Variants in SKAP1 observed in about 807,000 individuals in gnomAD.
SKAP1 encodes src kinase associated phosphoprotein 1.
A neutral mutation model predicts 58.5 loss-of-function variants in SKAP1; 44 were observed. The ratio of observed to expected loss-of-function variants is 0.75; its 90% CI spans 0.59 to 0.97. The LOEUF is 0.97. Ranked by LOEUF, SKAP1 falls within the 50% of genes least tolerant of loss-of-function variation. SKAP1 has a pLI of 0.00. For missense variants in SKAP1, 390 were observed against 435.2 expected, an observed-to-expected ratio of 0.90 and a Z score of 0.92; for synonymous variants, 127 against 149.7, an observed-to-expected ratio of 0.85 and a Z score of 1.11.
At chr17:48,226,942 T>C (rs557696361) in intron 4 of SKAP1, among the ~76,000 whole-genome samples, 1 of 152,306 alleles carries the variant, frequency 6.6e-6, no homozygotes, top group African/African-American at 2.4e-5. Context: ...CCTAACTCCA[T>C]ACCTTCCAGT....
At chr17:48,353,300 G>C (rs1402615807) in intron 3 of SKAP1, among the ~76,000 whole-genome samples, 3 of 152,048 alleles carry the variant, frequency 2.0e-5, no homozygotes, top group African/African-American at 4.8e-5. Flanking sequence ...CATTGACCTG[G>C]CTTGGTTAAA....
At chr17:48,388,738 T>C (rs2067309264) in intron 2 of SKAP1, among the ~76,000 whole-genome samples, 1 of 152,238 alleles carries the variant, frequency 6.6e-6, no homozygotes, top group South Asian at 2.1e-4. Context: ...GCCACTTCAT[T>C]TTTTTGATGG....
intron 4 of SKAP1, among the ~76,000 whole-genome samples, chr17:48,286,880 G>A (rs938387320): frequency 9.9e-5 from 15 of 152,074 alleles, no homozygotes; most frequent in Admixed American, 2.0e-4. Flanking sequence ...GGTGGATCAC[G>A]AGGTCAGGAG....
intron 4 of SKAP1, among the ~76,000 whole-genome samples, chr17:48,230,080 C>T (rs1395416081): frequency 2.2e-5 from 1 of 45,876 alleles, no homozygotes; most frequent in Non-Finnish European, 4.5e-5. Flanking sequence ...CAACAATGCC[C>T]CTTTGGTTAG....
intron 2 of SKAP1, among the ~76,000 whole-genome samples, chr17:48,376,754 T>A (rs1286042963): frequency 6.6e-6 from 1 of 152,172 alleles, no homozygotes; most frequent in Non-Finnish European, 1.5e-5. Context: ...AAAACCCAAC[T>A]GTGGACCAGT....
rs2063968969 is a variant in SKAP1, at chr17:48,155,806, G to A, written c.978+6663C>T. Among the ~76,000 whole-genome samples the A allele has an allele frequency of 2.6e-5, 4 of 152,296 alleles. No homozygotes were observed. The South Asian group carries it at 6.2e-4, about 24-fold the overall frequency. ...CGGGAGGCAGAGGTTGCAGTGAGCC[G>A]AGACCGCGCCGCTGCATTCCAGGGC... On this transcript the variant is annotated intron_variant, in intron 11 of 12. Coordinates refer to ENST00000336915, the MANE Select transcript of SKAP1 (RefSeq NM_003726.4).
intron 4 of SKAP1, among the ~76,000 whole-genome samples, chr17:48,294,119 T>C (rs1211157116): frequency 2.0e-5 from 3 of 152,230 alleles, no homozygotes; most frequent in Non-Finnish European, 4.4e-5. Context: ...CCATTTGTTT[T>C]CTTAACAAAG....
chr17:48,362,871 A>T (rs1346855350), intron 3 of SKAP1, among the ~76,000 whole-genome samples: 3 of 152,358 alleles, frequency 2.0e-5, no homozygotes, highest in South Asian at 4.1e-4. Flanking sequence ...AAAAGTACTT[A>T]AAAAGTTTAC....
intron 4 of SKAP1, among the ~76,000 whole-genome samples, chr17:48,283,993 G>C (rs542278463): frequency 9.3e-4 from 141 of 152,266 alleles, no homozygotes; most frequent in African/African-American, 3.2e-3. Flanking sequence ...ATGTAACTTT[G>C]AAATTGTTTG....
chr17:48,263,478 T>C lies in SKAP1; in HGVS notation c.281-73978A>G, dbSNP rs745736394. Among the ~76,000 whole-genome samples the C allele has an allele frequency of 3.3e-5, 5 of 152,210 alleles. No individual in the cohort carries two copies. The East Asian group carries it at 7.7e-4, about 23-fold the overall frequency. On this transcript the variant is annotated intron_variant, in intron 4 of 12. Coordinates refer to ENST00000336915, the MANE Select transcript of SKAP1 (RefSeq NM_003726.4). Reference sequence around the variant, plus strand: ...AATATTTAAATTTTCTGTATAACAATGAGCTTCAAACATGCACAAGTATCC... The same window carrying C: ...AATATTTAAATTTTCTGTATAACAACGAGCTTCAAACATGCACAAGTATCC...
chr17:48,272,196 C>A (rs912909538), intron 4 of SKAP1, among the ~76,000 whole-genome samples: 6 of 150,282 alleles, frequency 4.0e-5, no homozygotes, highest in African/African-American at 1.5e-4. Context: ...TGCAGTGGTG[C>A]GATCTCAGCT....
At chr17:48,299,127 G>A (rs2144118704) in intron 4 of SKAP1, among the ~76,000 whole-genome samples, 1 of 152,246 alleles carries the variant, frequency 6.6e-6, no homozygotes, top group South Asian at 2.1e-4. Flanking sequence ...ACAGAATGTT[G>A]GCATTTCAGC....
chr17:48,149,844 A>G (rs1484448223), intron 11 of SKAP1, among the ~76,000 whole-genome samples: 3 of 152,228 alleles, frequency 2.0e-5, no homozygotes, highest in Non-Finnish European at 4.4e-5. Context: ...CAGAGAAACA[A>G]AATGACCATT....
intron 2 of SKAP1, among the ~76,000 whole-genome samples, chr17:48,370,910 A>T (rs1042102181): frequency 7.9e-5 from 12 of 152,252 alleles, no homozygotes; most frequent in Non-Finnish European, 1.6e-4. Flanking sequence ...AGATTTTTTT[A>T]AATATGGCAT....
At chr17:48,168,152 CT>C (rs1475337772) in intron 10 of SKAP1, among the ~76,000 whole-genome samples, 2 of 152,090 alleles carry the variant, frequency 1.3e-5, no homozygotes, top group Non-Finnish European at 2.9e-5. Flanking sequence ...CCCTTCCCCC[CT>C]ATTCTGATAA....
At chr17:48,186,026 T>C (rs1203810252) in intron 6 of SKAP1, 3 of 152,104 alleles carry the variant, frequency 2.0e-5, no homozygotes, top group South Asian at 4.1e-4. Flanking sequence ...ACCGTGAGTA[T>C]GGAAGATTCT....
At chr17:48,145,220 C>T (rs892047169) in intron 11 of SKAP1, among the ~76,000 whole-genome samples, 1 of 152,138 alleles carries the variant, frequency 6.6e-6, no homozygotes, top group East Asian at 1.9e-4. Context: ...CCTCCTTGAA[C>T]AACCCACATG....
At chr17:48,229,345 G>C (rs1335789470) in intron 4 of SKAP1, among the ~76,000 whole-genome samples, 1 of 152,118 alleles carries the variant, frequency 6.6e-6, no homozygotes, top group Non-Finnish European at 1.5e-5. Context: ...TGCGGGCCTG[G>C]CGTGGTGGCT....
At chr17:48,427,537 A>G (rs1278456114) in intron 1 of SKAP1, among the ~76,000 whole-genome samples, 2 of 151,812 alleles carry the variant, frequency 1.3e-5, no homozygotes, top group African/African-American at 4.8e-5. Flanking sequence ...TATTTAAACA[A>G]AATTAATTTT....
Sources: gnomAD v4.1 joint callset for allele counts (sites outside exome capture counted in the v4.1 genomes callset) on GRCh38, gnomAD v4.1.1 for gene constraint, MANE v1.5 for transcripts, NCBI Gene and HGNC (gene_info 2026-07-23, HGNC 2026-07-21) for gene names.